The following RASGRF2 variants were observed in gnomAD, a reference collection of about 807,000 sequenced individuals.
RASGRF2 encodes Ras protein specific guanine nucleotide releasing factor 2, also known as ras-specific guanine nucleotide-releasing factor 2.
In RASGRF2, 76 loss-of-function variants were observed where a neutral mutation model predicts 151.0. That is an observed-to-expected ratio of 0.50 (90% confidence interval 0.42 to 0.61). RASGRF2 has a LOEUF of 0.61. Ranked by LOEUF, RASGRF2 falls within the 20% of genes least tolerant of loss-of-function variation. The pLI, the probability that RASGRF2 is intolerant of heterozygous loss-of-function variation, is 0.00. For synonymous variants in RASGRF2, 504 were observed against 566.5 expected (o/e 0.89, Z 1.57); for missense variants, 1,148 against 1,564.6 (o/e 0.73, Z 4.49).
chr5:81,027,233 G>A (rs2112351814), intron 1 of RASGRF2, among the ~76,000 whole-genome samples: 1 of 152,214 alleles, frequency 6.6e-6, no homozygotes, highest in South Asian at 2.1e-4. Context: ...AATAAACTAT[G>A]GGCTTTAGTT....
rs532047979 is a variant in RASGRF2 at position 80,969,563 on chromosome 5, C to T, written c.288+8537C>T. On this transcript the variant is annotated intron_variant, in intron 1 of 26. Coordinates refer to ENST00000265080, the MANE Select transcript of RASGRF2 (RefSeq NM_006909.3). ...TCCAGGGTTCACACCATTCTCCTGC[C>T]TCAGCCTCCCAAGTAGCTGGGACTA... is the stretch of plus-strand genomic sequence containing the variant. 6.6e-5 allele frequency among the ~76,000 whole-genome samples: 10 copies of T among 151,764 alleles called. No homozygotes were observed. The South Asian group carries it at 2.1e-3, about 32-fold the overall frequency.
chr5:80,986,160 A>G (rs991390064), intron 1 of RASGRF2, among the ~76,000 whole-genome samples: 3 of 152,206 alleles, frequency 2.0e-5, no homozygotes, highest in African/African-American at 7.2e-5. Flanking sequence ...TCTATATCTG[A>G]AATTATATGT....
chr5:80,969,560 T>C (rs1011867649), intron 1 of RASGRF2, among the ~76,000 whole-genome samples: 22 of 151,616 alleles, frequency 1.5e-4, no homozygotes, highest in African/African-American at 4.6e-4. Flanking sequence ...ACCATTCTCC[T>C]GCCTCAGCCT....
At chr5:81,209,039 A>G (rs539510207) in intron 22 of RASGRF2, among the ~76,000 whole-genome samples, 4 of 152,288 alleles carry the variant, frequency 2.6e-5, no homozygotes, top group African/African-American at 9.6e-5. Context: ...CTTCCTGTTC[A>G]TATATTGACT....
intron 15 of RASGRF2, among the ~76,000 whole-genome samples, chr5:81,120,831 CA>C (rs1753287530): frequency 6.6e-6 from 1 of 152,192 alleles, no homozygotes; most frequent in Non-Finnish European, 1.5e-5. Context: ...TGTGCGGGCA[CA>C]TGCTTGCTAG....
intron 1 of RASGRF2, among the ~76,000 whole-genome samples, chr5:81,003,411 G>C (rs1749153516): frequency 6.6e-6 from 1 of 152,200 alleles, no homozygotes; most frequent in South Asian, 2.1e-4. Flanking sequence ...TTTTAGTAGA[G>C]ACAGGGTTTC....
chr5:81,008,103 A>G (rs1315991691), intron 1 of RASGRF2, among the ~76,000 whole-genome samples: 2 of 137,346 alleles, frequency 1.5e-5, no homozygotes, highest in Non-Finnish European at 3.1e-5. Context: ...AAAGTGGATG[A>G]TGATGGTTTC....
intron 1 of RASGRF2, among the ~76,000 whole-genome samples, chr5:81,009,502 G>A (rs1037134067): frequency 6.6e-6 from 1 of 152,142 alleles, no homozygotes; most frequent in African/African-American, 2.4e-5. Flanking sequence ...CAAACATGAG[G>A]AGCAAATATC....
chr5:80,988,862 A>C (rs1409178301), intron 1 of RASGRF2, among the ~76,000 whole-genome samples: 2 of 152,242 alleles, frequency 1.3e-5, no homozygotes, highest in Non-Finnish European at 2.9e-5. Context: ...ATAACAAAAT[A>C]GGCATAGTTT....
chr5:81,185,475 G>A (rs1755006746), intron 18 of RASGRF2, among the ~76,000 whole-genome samples: 1 of 152,168 alleles, frequency 6.6e-6, no homozygotes, highest in South Asian at 2.1e-4. Context: ...ACCACTGGCA[G>A]CCCAGGGCCT....
At position 81,111,222 on chromosome 5, in the gene RASGRF2, C is replaced by T. The variant is rs187367407; in HGVS notation, c.1839-1388C>T. On this transcript the variant is annotated intron_variant, in intron 13 of 26. Transcript: ENST00000265080. ...CACTGACCCTACCCTGTAGCATATCCTTTAATCAAGTGGTGAAATTCAGGA... is the reference window on the plus strand; with the variant it reads ...CACTGACCCTACCCTGTAGCATATCTTTTAATCAAGTGGTGAAATTCAGGA... Among the ~76,000 whole-genome samples the T allele has an allele frequency of 9.2e-5, 14 of 152,316 alleles. No individual in the cohort carries two copies. The East Asian group carries it at 1.5e-3, about 17-fold the overall frequency.
At chr5:81,203,439 G>A (rs1244316262) in intron 19 of RASGRF2, among the ~76,000 whole-genome samples, 1 of 152,220 alleles carries the variant, frequency 6.6e-6, no homozygotes, top group East Asian at 1.9e-4. Context: ...TCAGACGTCA[G>A]TCAGTTGGAG....
At chr5:81,159,304 T>G (rs1371785991) in intron 17 of RASGRF2, among the ~76,000 whole-genome samples, 1 of 152,228 alleles carries the variant, frequency 6.6e-6, no homozygotes, top group Non-Finnish European at 1.5e-5. Context: ...ATGGTCTCTG[T>G]TGCAACTTCC....
chr5:81,072,736 G>A (rs533521434), intron 4 of RASGRF2, among the ~76,000 whole-genome samples: 1 of 152,264 alleles, frequency 6.6e-6, no homozygotes, highest in African/African-American at 2.4e-5. Flanking sequence ...AACACGAGAT[G>A]GGGTCTTGCT....
chr5:81,087,248 C>T, intron 9 of RASGRF2: 3 of 703,046 alleles, frequency 4.3e-6, no homozygotes, highest in Non-Finnish European at 7.8e-6. Context: ...GAGGACCGGT[C>T]GGCCTGGCCC....
Position 81,020,014 on chromosome 5 carries a change from G to A in RASGRF2, c.289-22863G>A, listed in dbSNP as rs144296709. Among the ~76,000 whole-genome samples, 174 of 152,312 alleles carry A rather than the reference G, an allele frequency of 1.1e-3. 2 individuals carry two copies. Among genetic ancestry groups the A allele is most frequent in the African/African-American group, 4.0e-3 (168 of 41,554 alleles). On this transcript the variant is annotated intron_variant, in intron 1 of 26. Coordinates refer to ENST00000265080, the MANE Select transcript of RASGRF2 (RefSeq NM_006909.3). ...TGTGTTCTCATATTGGGTTACATTT[G>A]TTCTCTGTAAAAACACATAGCATGA...
chr5:81,170,174 G>A (rs1409735858), intron 17 of RASGRF2, among the ~76,000 whole-genome samples: 1 of 151,762 alleles, frequency 6.6e-6, no homozygotes, highest in Non-Finnish European at 1.5e-5. Flanking sequence ...TGCAGCACCT[G>A]CACTCCCTGC....
chr5:81,058,821 A>G (rs900783206), intron 2 of RASGRF2, among the ~76,000 whole-genome samples: 7 of 151,310 alleles, frequency 4.6e-5, no homozygotes, highest in Non-Finnish European at 8.8e-5. Flanking sequence ...AAAATAAATC[A>G]TATTAGATGA....
intron 17 of RASGRF2, among the ~76,000 whole-genome samples, chr5:81,178,264 G>C (rs1754828815): frequency 6.6e-6 from 1 of 152,064 alleles, no homozygotes; most frequent in Non-Finnish European, 1.5e-5. Flanking sequence ...AAAATTATTA[G>C]GAAACAGCAT....
Sources: allele counts gnomAD v4.1 joint callset (sites outside exome capture counted in the v4.1 genomes callset), GRCh38; gene constraint gnomAD v4.1.1; transcripts MANE v1.5; gene names NCBI Gene and HGNC (gene_info 2026-07-23, HGNC 2026-07-21).